The following PTPRD variants were observed in gnomAD, a reference collection of about 807,000 sequenced individuals.
PTPRD encodes receptor-type tyrosine-protein phosphatase delta.
A neutral mutation model predicts 214.5 loss-of-function variants in PTPRD; 34 were observed. The observed-to-expected ratio is 0.16, with a 90% CI of 0.12 to 0.21. The LOEUF is 0.21. Among genes scored for constraint, PTPRD ranks in the 10% least tolerant of loss-of-function variants. PTPRD has a pLI of 1.00. For missense variants in PTPRD, 2,545 were observed against 2,398.7 expected, an observed-to-expected ratio of 1.06 and a Z score of -1.27; for synonymous variants, 1,128 against 845.7, an observed-to-expected ratio of 1.33 and a Z score of -5.79.
At chr9:9,546,601 ATT>A (rs2078863244) in intron 8 of PTPRD, among the ~76,000 whole-genome samples, 1 of 151,796 alleles carries the variant, frequency 6.6e-6, no homozygotes, top group Non-Finnish European at 1.5e-5. Context: ...TGCTATATAA[ATT>A]ATCCCTTTTA....
intron 3 of PTPRD, among the ~76,000 whole-genome samples, chr9:10,150,089 C>T (rs1166443589): frequency 6.6e-6 from 1 of 152,058 alleles, no homozygotes; most frequent in Non-Finnish European, 1.5e-5. Flanking sequence ...TGTTTTAAAC[C>T]TGCACACTAA....
chr9:9,593,140 G>A (rs116099952), intron 7 of PTPRD, among the ~76,000 whole-genome samples: 37 of 95,330 alleles, frequency 3.9e-4, no homozygotes, highest in Middle Eastern at 0.011. Context: ...GGAAAGGAAA[G>A]GGAAAGAAAA....
intron 11 of PTPRD, among the ~76,000 whole-genome samples, chr9:8,808,794 C>A (rs771960519): frequency 4.6e-5 from 7 of 151,932 alleles, no homozygotes; most frequent in Non-Finnish European, 7.4e-5. Context: ...TTCCTAGGAC[C>A]CAGACTGGAC....
chr9:8,733,994 G>A lies in PTPRD; in HGVS notation c.-103-48C>T, dbSNP rs78334798. On this transcript the variant is annotated intron_variant, in intron 11 of 45. Transcript: ENST00000381196. ...AAGAAAAGGAAGAAAACACAAAAGT[G>A]CTTAGATTTCTTACTCTTTCCCCCC... 6.2e-3 allele frequency: 4,545 copies of A among 728,192 alleles called. 149 individuals are homozygous for A. The East Asian group carries it at 0.074, about 12-fold the overall frequency. 45.1% of individuals were successfully genotyped at this position (728,192 alleles called of 1,614,324 possible). A position where few individuals can be genotyped will look rare whatever the true frequency, so the allele number is the denominator to read the frequency against.
intron 14 of PTPRD, among the ~76,000 whole-genome samples, chr9:8,569,759 A>C (rs1046955302): frequency 6.6e-6 from 1 of 151,504 alleles, no homozygotes; most frequent in South Asian, 2.1e-4. Flanking sequence ...TCTATCAAAG[A>C]AAGTTTGTTT....
At chr9:10,339,023 A>G (rs1279930692) in intron 3 of PTPRD, among the ~76,000 whole-genome samples, 1 of 151,774 alleles carries the variant, frequency 6.6e-6, no homozygotes, top group Admixed American at 6.6e-5. Flanking sequence ...TTCAGAGTTC[A>G]GCTGTCATTA....
chr9:8,859,136 C>T, intron 11 of PTPRD, among the ~76,000 whole-genome samples: 1 of 152,208 alleles, frequency 6.6e-6, no homozygotes, highest in East Asian at 1.9e-4. Context: ...GCTTTGAAGG[C>T]AACGAGGAAG....
chr9:10,270,648 AT>A (rs2094365492), intron 3 of PTPRD, among the ~76,000 whole-genome samples: 1 of 152,212 alleles, frequency 6.6e-6, no homozygotes, highest in Admixed American at 6.5e-5. Flanking sequence ...TGACAATTAA[AT>A]TTAAATGGAA....
chr9:9,158,301 C>G (rs2099883102), intron 10 of PTPRD, among the ~76,000 whole-genome samples: 1 of 152,052 alleles, frequency 6.6e-6, no homozygotes, highest in East Asian at 1.9e-4. Flanking sequence ...ACACTGTCGT[C>G]AACAATCTAC....
chr9:10,239,966 G>A (rs1006528131), intron 3 of PTPRD, among the ~76,000 whole-genome samples: 6 of 151,714 alleles, frequency 4.0e-5, no homozygotes, highest in Non-Finnish European at 7.4e-5. Flanking sequence ...CCTGAGTCAC[G>A]ATTGGCCATT....
chr9:8,940,463 TG>T (rs869257131), intron 11 of PTPRD, among the ~76,000 whole-genome samples: 114 of 106,882 alleles, frequency 1.1e-3, no homozygotes, highest in African/African-American at 3.2e-3. Context: ...TTTTTTTTTT[TG>T]GTATTTTTAA....
chr9:8,988,963 T>C (rs1036955490), intron 11 of PTPRD, among the ~76,000 whole-genome samples: 1 of 152,094 alleles, frequency 6.6e-6, no homozygotes, highest in Non-Finnish European at 1.5e-5. Flanking sequence ...CAGTTTATTC[T>C]TTACTATACA....
chr9:10,181,019 C>G (rs1263681552), intron 3 of PTPRD, among the ~76,000 whole-genome samples: 1 of 151,908 alleles, frequency 6.6e-6, no homozygotes, highest in Non-Finnish European at 1.5e-5. Flanking sequence ...TGTCTTCTAC[C>G]ACTCCTACTG....
intron 4 of PTPRD, among the ~76,000 whole-genome samples, chr9:10,007,755 A>T (rs558797683): frequency 1.2e-4 from 19 of 152,150 alleles, no homozygotes; most frequent in East Asian, 3.9e-4. Context: ...CATTTAAAAA[A>T]ATATATATTT....
chr9:9,333,981 G>A (rs749787600), intron 9 of PTPRD, among the ~76,000 whole-genome samples: 5 of 151,958 alleles, frequency 3.3e-5, no homozygotes, highest in Non-Finnish European at 7.4e-5. Flanking sequence ...GAATCTATGT[G>A]AGGGGGAGGA....
intron 2 of PTPRD, among the ~76,000 whole-genome samples, chr9:10,440,773 C>T (rs952518770): frequency 5.3e-5 from 8 of 151,630 alleles, no homozygotes; most frequent in African/African-American, 1.9e-4. Flanking sequence ...AAATTAAAAC[C>T]AATATTAAGG....
chr9:8,764,221 C>T (rs542158164), intron 11 of PTPRD, among the ~76,000 whole-genome samples: 2 of 152,220 alleles, frequency 1.3e-5, no homozygotes, highest in Admixed American at 1.3e-4. Flanking sequence ...TTTCTTCTTC[C>T]TACTCTACAT....
intron 5 of PTPRD, among the ~76,000 whole-genome samples, chr9:9,915,087 G>C (rs1432626243): frequency 6.6e-6 from 1 of 152,116 alleles, no homozygotes; most frequent in African/African-American, 2.4e-5. Flanking sequence ...AACTCTCTTA[G>C]CATAGGCTAC....
chr9:8,500,347 C>G (rs12378463), intron 24 of PTPRD, among the ~76,000 whole-genome samples: 1 of 150,910 alleles, frequency 6.6e-6, no homozygotes, highest in Non-Finnish European at 1.5e-5. Context: ...GCATCAATGT[C>G]TCTGAAATAT....
Sources: allele counts gnomAD v4.1 joint callset (sites outside exome capture counted in the v4.1 genomes callset), GRCh38; gene constraint gnomAD v4.1.1; transcripts MANE v1.5; gene names NCBI Gene and HGNC (gene_info 2026-07-23, HGNC 2026-07-21).